Variants in ADCY5 observed in about 807,000 individuals in gnomAD.
ADCY5 encodes the protein adenylate cyclase type 5.
ADCY5 carries 30 observed loss-of-function variants against 119.7 expected under a neutral mutation model. The observed-to-expected ratio is 0.25, with a 90% confidence interval of 0.19 to 0.34. The LOEUF is 0.34. ADCY5 is among the 10% of genes least tolerant of loss of function. ADCY5 has a pLI of 1.00. For missense variants in ADCY5, 1,324 were observed against 1,775.2 expected (o/e 0.75, Z 4.57); for synonymous variants, 753 against 762.2 (o/e 0.99, Z 0.20).
intron 1 of ADCY5, among the ~76,000 whole-genome samples, chr3:123,427,801 A>G (rs1945442488): frequency 6.6e-6 from 1 of 152,244 alleles, no homozygotes. Context: ...AGCTTGACAC[A>G]GGTGGCAGTT....
chr3:123,345,769 G>GACAGACACACAGACACACACACAC (rs57198270), intron 3 of ADCY5, among the ~76,000 whole-genome samples: 34 of 113,834 alleles, frequency 3.0e-4, no homozygotes, highest in Admixed American at 7.4e-4. Flanking sequence ...CAGACAGACA[G>GACAGACACACAGACACACACACAC]ACACACACAC....
intron 3 of ADCY5, among the ~76,000 whole-genome samples, chr3:123,341,411 G>A (rs1030131827): frequency 1.9e-4 from 29 of 152,182 alleles, no homozygotes; most frequent in Admixed American, 1.5e-3. Flanking sequence ...CCACATACAT[G>A]AGCTACCTAG....
At position 123,352,324 on chromosome 3, in the gene ADCY5, G is replaced by A. The variant is rs1942865712; in HGVS notation, c.1284+108C>T. ...TGGGTTGGTCCCCTCCCGGGGAGTG[G>A]GGCTGGCAGCCGTAATAAGCACTGC... On this transcript the variant is annotated intron_variant, in intron 2 of 20. Transcript: ENST00000462833. The surrounding 1 kb of genome is among the most constrained non-coding windows in gnomAD (Gnocchi z 4.8). 5.1e-6 allele frequency: 7 copies of A among 1,373,436 alleles called. No individual in the cohort carries two copies. The highest frequency in any genetic ancestry group is 6.8e-6 in the Non-Finnish European group (7 of 1,033,886). The allele number at this position is 1,373,436 out of a possible 1,614,324, so 85.1% of individuals were successfully genotyped here.
At chr3:123,432,399 T>A (rs1410832512) in intron 1 of ADCY5, among the ~76,000 whole-genome samples, 1 of 152,012 alleles carries the variant, frequency 6.6e-6, no homozygotes, top group African/African-American at 2.4e-5. Flanking sequence ...GAAGAAAGAC[T>A]GGAGAAGGAA....
rs1940052852 is a variant in ADCY5 at position 123,304,084 on chromosome 3, C to T, written c.2542G>A (p.Ala848Thr). 1 of 1,613,488 alleles carries T rather than the reference C, an allele frequency of 6.2e-7. No homozygotes were observed. The highest frequency in any genetic ancestry group is 8.5e-7 in the Non-Finnish European group (1 of 1,179,528). Residue 848 changes from alanine to threonine, a missense_variant, in exon 13 of 21, where the codon GCG becomes ACG. Around this residue, in one of 6 missense-constraint regions of ADCY5, gnomAD observed 424 missense variants for 546.8 expected, o/e 0.78. Coordinates refer to ENST00000462833, the MANE Select transcript of ADCY5 (RefSeq NM_183357.3). ...CCACCCACCATGTTGACAAAAGCCG[C>T]CAGGAACACCAGGGTGATGGTGAAC... ...GVFTITLVFL[A>T]AFVNMFTCNS... is the part of the protein sequence containing the mutation.
At chr3:123,408,561 CG>C (rs1466471424) in intron 1 of ADCY5, among the ~76,000 whole-genome samples, 1 of 151,054 alleles carries the variant, frequency 6.6e-6, no homozygotes, top group African/African-American at 2.4e-5. Flanking sequence ...CAGGCTGAGG[CG>C]GAAGAATCAC....
At chr3:123,405,280 C>T (rs1011339421) in intron 1 of ADCY5, among the ~76,000 whole-genome samples, 7 of 152,210 alleles carry the variant, frequency 4.6e-5, no homozygotes, top group Admixed American at 1.3e-4. Flanking sequence ...CCTTGCCCCG[C>T]GGACTCCCTT....
At chr3:123,399,941 G>A (rs977610965) in intron 1 of ADCY5, among the ~76,000 whole-genome samples, 2 of 152,204 alleles carry the variant, frequency 1.3e-5, no homozygotes, top group African/African-American at 4.8e-5. Flanking sequence ...TAAGGGCTGT[G>A]TACAAAGGCA....
At chr3:123,443,258 G>C (rs2107654954) in intron 1 of ADCY5, among the ~76,000 whole-genome samples, 2 of 152,204 alleles carry the variant, frequency 1.3e-5, no homozygotes, top group South Asian at 4.1e-4. Flanking sequence ...AAGAGCCCCA[G>C]GTACTTACTT....
intron 1 of ADCY5, among the ~76,000 whole-genome samples, chr3:123,389,211 G>T (rs1474194205): frequency 6.6e-6 from 1 of 152,112 alleles, no homozygotes; most frequent in Non-Finnish European, 1.5e-5. Flanking sequence ...AAAACATGAG[G>T]GCTTGGTGGA....
chr3:123,318,094 T>C lies in ADCY5; in HGVS notation c.2280A>G (p.Arg760=). The C allele has an allele frequency of 6.2e-7, 1 of 1,613,562 alleles. No individual in the cohort carries two copies. The highest frequency in any genetic ancestry group is 8.5e-7 in the Non-Finnish European group (1 of 1,179,846). ...AGGCACACGCCACATAGGCACCAAA[T>C]CGGTCGTCTACCTGCTTGGAGTACT... The part of the protein sequence containing the change: ...EKKYSKQVDD[R]FGAYVACASL... The change falls in exon 11 of 21, where the codon CGA becomes CGG. Residue 760 remains arginine, a synonymous_variant. Transcript: ENST00000462833.
At position 123,448,791 on chromosome 3, in the gene ADCY5, T is replaced by A; in HGVS notation, c.-246A>T. On this transcript the variant is annotated 5_prime_UTR_variant, in exon 1 of 21. Transcript: ENST00000462833. ...GTCCCAGGTCCGAAATGGAGTTGCC[T>A]CCGAGGTGGGGTCGCAGGGACTGGT... 1 of 381,136 alleles carries A rather than the reference T, an allele frequency of 2.6e-6. No individual in the cohort carries two copies. The highest frequency in any genetic ancestry group is 4.6e-6 in the Non-Finnish European group (1 of 216,012). The allele number at this position is 381,136 out of a possible 1,614,324, so 23.6% of individuals were successfully genotyped here. A position where few individuals can be genotyped will look rare whatever the true frequency, so the allele number is the denominator to read the frequency against.
rs1159577001 is a variant in ADCY5, at chr3:123,363,194, T to G, written c.1135-10613A>C. Reference sequence around the variant, plus strand: ...GAAGAACAAAAAAAAAAATGGGTAATGTGGATGAATAAGCTATTCAAAGTA... The same window carrying G: ...GAAGAACAAAAAAAAAAATGGGTAAGGTGGATGAATAAGCTATTCAAAGTA... On this transcript the variant is annotated intron_variant, in intron 1 of 20. Transcript: ENST00000462833. Among the ~76,000 whole-genome samples the G allele has an allele frequency of 2.6e-5, 3 of 113,374 alleles. No individual in the cohort carries two copies. In the Admixed American group the frequency reaches 2.7e-4, roughly 10 times the overall value. The allele number at this position is 113,374 out of a possible 152,430, so 74.4% of individuals were successfully genotyped here.
intron 1 of ADCY5, among the ~76,000 whole-genome samples, chr3:123,398,853 C>T (rs1030945211): frequency 6.6e-6 from 1 of 152,198 alleles, no homozygotes; most frequent in African/African-American, 2.4e-5. Context: ...GTGTTAGGTG[C>T]AAATGAGTAA....
At chr3:123,339,577 C>G (rs965124698) in intron 3 of ADCY5, among the ~76,000 whole-genome samples, 5 of 152,140 alleles carry the variant, frequency 3.3e-5, no homozygotes. Flanking sequence ...CAACCGTGCT[C>G]TCTCCACTCT....
intron 1 of ADCY5, among the ~76,000 whole-genome samples, chr3:123,445,615 G>A (rs1369194590): frequency 6.6e-6 from 1 of 152,144 alleles, no homozygotes; most frequent in African/African-American, 2.4e-5. Context: ...ACTAACAATG[G>A]TAGTAACTTT....
chr3:123,331,648 G>A (rs1017304587), intron 4 of ADCY5, among the ~76,000 whole-genome samples: 8 of 152,114 alleles, frequency 5.3e-5, no homozygotes, highest in South Asian at 2.1e-4. Context: ...CCACCAATCC[G>A]TCAGTGGGAT....
intron 3 of ADCY5, among the ~76,000 whole-genome samples, chr3:123,333,570 C>G (rs1374762295): frequency 1.3e-5 from 2 of 152,242 alleles, no homozygotes; most frequent in East Asian, 3.9e-4. Context: ...TCCTTCTGTG[C>G]TCTAACGGCA....
chr3:123,317,055 G>T (rs1940949362), intron 11 of ADCY5, among the ~76,000 whole-genome samples: 1 of 151,712 alleles, frequency 6.6e-6, no homozygotes, highest in African/African-American at 2.4e-5. Flanking sequence ...GTGTGTATAT[G>T]TATAGGTGTG....
Sources: allele counts gnomAD v4.1 joint callset (sites outside exome capture counted in the v4.1 genomes callset), GRCh38; gene constraint gnomAD v4.1.1; regional missense constraint gnomAD v4.1.1; non-coding constraint Gnocchi (gnomAD v3.1); transcripts MANE v1.5; gene names NCBI Gene and HGNC (gene_info 2026-07-23, HGNC 2026-07-21).